The following TANK variants were observed in gnomAD, a reference collection of about 807,000 sequenced individuals.
TANK encodes TRAF family member-associated NF-kappa-B activator.
Under a neutral mutation model 43.6 loss-of-function variants are expected in TANK, and 15 were observed. The observed-to-expected ratio is 0.34, with a 90% CI of 0.23 to 0.53. The LOEUF is 0.53. Among genes scored for constraint, TANK ranks in the 20% least tolerant of loss-of-function variants. The pLI is 0.94. For synonymous variants in TANK, 162 were observed against 178.2 expected (o/e 0.91, Z 0.73); for missense variants, 417 against 498.6 (o/e 0.84, Z 1.56).
intron 2 of TANK, among the ~76,000 whole-genome samples, chr2:161,192,784 A>G (rs1002229911): frequency 3.9e-5 from 6 of 152,212 alleles, no homozygotes; most frequent in Non-Finnish European, 1.5e-5. Flanking sequence ...ACAAAAGTAG[A>G]CATTGTTAGC....
chr2:161,161,811 A>C (rs1402840889), intron 1 of TANK: 1 of 158,556 alleles, frequency 6.3e-6, no homozygotes, highest in African/African-American at 2.4e-5. Flanking sequence ...GTTTCTCATT[A>C]GACTACAGAT....
chr2:161,189,194 A>G (rs994281364), intron 2 of TANK, among the ~76,000 whole-genome samples: 3 of 152,242 alleles, frequency 2.0e-5, no homozygotes, highest in Non-Finnish European at 4.4e-5. Flanking sequence ...TATCATGACA[A>G]AGTGAGACTT....
intron 4 of TANK, among the ~76,000 whole-genome samples, chr2:161,222,126 A>G (rs1385768139): frequency 1.3e-5 from 2 of 152,092 alleles, no homozygotes; most frequent in African/African-American, 4.8e-5. Flanking sequence ...TACTTCTTTA[A>G]TCTCAGAAGC....
At chr2:161,163,608 C>T (rs1684540030) in intron 1 of TANK, 1 of 152,198 alleles carries the variant, frequency 6.6e-6, no homozygotes, top group Admixed American at 6.5e-5. Context: ...GCATCAGTTT[C>T]ACTTTATTGT....
intron 1 of TANK, among the ~76,000 whole-genome samples, chr2:161,168,706 G>A (rs772788160): frequency 1.2e-4 from 19 of 152,198 alleles, no homozygotes; most frequent in Non-Finnish European, 2.6e-4. Flanking sequence ...GGTGGCGTGC[G>A]CCTGTAATCC....
intron 2 of TANK, among the ~76,000 whole-genome samples, chr2:161,196,091 A>G (rs1184054198): frequency 6.6e-6 from 1 of 152,188 alleles, no homozygotes; most frequent in Non-Finnish European, 1.5e-5. Flanking sequence ...GCAAGACTCC[A>G]TCTCAAAAAG....
intron 1 of TANK, among the ~76,000 whole-genome samples, chr2:161,175,358 T>C (rs1245507183): frequency 6.6e-6 from 1 of 152,188 alleles, no homozygotes; most frequent in Non-Finnish European, 1.5e-5. Flanking sequence ...TAGCTATAGA[T>C]AAGTCATTTA....
At chr2:161,137,372 A>T in intron 1 of TANK, 1 of 310,786 alleles carries the variant, frequency 3.2e-6, no homozygotes, top group Non-Finnish European at 4.7e-6. Context: ...TAATAAATAA[A>T]TAAGTAAATA....
At chr2:161,203,915 A>T (rs2105345704) in intron 3 of TANK, among the ~76,000 whole-genome samples, 1 of 152,268 alleles carries the variant, frequency 6.6e-6, no homozygotes, top group South Asian at 2.1e-4. Flanking sequence ...ACTATATCAT[A>T]AGAAAATATT....
chr2:161,219,928 T>C (rs1687269673), intron 4 of TANK: 1 of 316,472 alleles, frequency 3.2e-6, no homozygotes, highest in Admixed American at 4.8e-5. Context: ...CTAACATTTA[T>C]ACCTATTCCA....
At chr2:161,139,854 T>C (rs1417027440) in intron 1 of TANK, 1 of 985,336 alleles carries the variant, frequency 1.0e-6, no homozygotes, top group Non-Finnish European at 1.2e-6. Context: ...CTTCCTATTA[T>C]GACAGTGCTA....
At chr2:161,155,003 T>G (rs778796659) in intron 1 of TANK, among the ~76,000 whole-genome samples, 6 of 152,074 alleles carry the variant, frequency 3.9e-5, no homozygotes, top group Non-Finnish European at 7.4e-5. Context: ...CCTTGGCCTC[T>G]CAAAGTGATG....
chr2:161,138,557 C>G (rs534232348), intron 1 of TANK, among the ~76,000 whole-genome samples: 11 of 152,294 alleles, frequency 7.2e-5, no homozygotes, highest in Admixed American at 5.9e-4. Flanking sequence ...TCACTCCCTC[C>G]AGGATACACT....
intron 2 of TANK, among the ~76,000 whole-genome samples, chr2:161,186,085 G>T (rs1265691096): frequency 6.6e-6 from 1 of 152,144 alleles, no homozygotes; most frequent in Non-Finnish European, 1.5e-5. Context: ...TGGGAGGATT[G>T]CTTGAGCCCA....
chr2:161,206,771 AT>A (rs745838799), intron 4 of TANK, among the ~76,000 whole-genome samples: 10 of 152,142 alleles, frequency 6.6e-5, no homozygotes, highest in Admixed American at 1.3e-4. Context: ...ATTGTAGTAC[AT>A]TATAAAATTG....
chr2:161,155,729 C>T (rs1053835779), upstream of TANK, among the ~76,000 whole-genome samples: 17 of 152,170 alleles, frequency 1.1e-4, no homozygotes, highest in Admixed American at 1.0e-3. Context: ...CAGAAGCCTT[C>T]CTTCACCCTC....
At chr2:161,229,089 G>A (rs1166216911) in intron 6 of TANK, among the ~76,000 whole-genome samples, 1 of 152,216 alleles carries the variant, frequency 6.6e-6, no homozygotes, top group African/African-American at 2.4e-5. Flanking sequence ...AGTCATGGGA[G>A]AGTCATCCAG....
intron 1 of TANK, among the ~76,000 whole-genome samples, chr2:161,165,629 TCCTCTACACCTCACCATACTGACTA>T (rs1161458147): frequency 6.6e-6 from 1 of 152,076 alleles, no homozygotes; most frequent in African/African-American, 2.4e-5. Flanking sequence ...GTCCTACTCC[TCCTCTACACCTCACCATACTGACTA>T]CAGACTTTCT....
intron 2 of TANK, among the ~76,000 whole-genome samples, chr2:161,201,635 T>C (rs980715129): frequency 1.1e-4 from 16 of 152,194 alleles, no homozygotes; most frequent in African/African-American, 3.6e-4. Flanking sequence ...CGCAGAAATA[T>C]ATAGAGAAGA....
Sources: allele counts gnomAD v4.1 joint callset (sites outside exome capture counted in the v4.1 genomes callset), GRCh38; gene constraint gnomAD v4.1.1; transcripts MANE v1.5; gene names NCBI Gene and HGNC (gene_info 2026-07-23, HGNC 2026-07-21).